Variants in ABRAXAS1 observed in about 807,000 individuals in gnomAD.
The protein encoded by ABRAXAS1 is BRCA1-A complex subunit Abraxas 1.
ABRAXAS1 carries 26 observed loss-of-function variants against 38.4 expected under a neutral mutation model. The ratio of observed to expected loss-of-function variants is 0.68; its 90% CI spans 0.50 to 0.94. The LOEUF is 0.94. Among genes scored for constraint, ABRAXAS1 ranks in the 40% least tolerant of loss-of-function variants. The pLI is 0.00. For missense variants in ABRAXAS1, 438 were observed against 481.9 expected (o/e 0.91, Z 0.85); for synonymous variants, 144 against 165.5 (o/e 0.87, Z 1.00).
At chr4:83,471,902 A>G (rs1300813666) in intron 4 of ABRAXAS1, among the ~76,000 whole-genome samples, 2 of 152,164 alleles carry the variant, frequency 1.3e-5, no homozygotes, top group Non-Finnish European at 2.9e-5. Context: ...CCAAAACACT[A>G]CAGCCAAGTA....
Position 83,461,901 on chromosome 4 carries a change from T to C in ABRAXAS1, c.*568A>G. ...TAGGACAAATTTAAATTTTAGATGA[T>C]GTTTTGCAAATTTATTGCATGATAT... On this transcript the variant is annotated 3_prime_UTR_variant, in exon 9 of 9. Coordinates refer to ENST00000321945, the MANE Select transcript of ABRAXAS1 (RefSeq NM_139076.3). 1 of 229,010 alleles carries C rather than the reference T, an allele frequency of 4.4e-6. No individual in the cohort carries two copies. The highest frequency in any genetic ancestry group is 1.3e-3 in the Middle Eastern group (1 of 754). The allele number at this position is 229,010 out of a possible 1,614,324, so 14.2% of individuals were successfully genotyped here.
In ABRAXAS1 at chr4:83,476,720, A is replaced by G. The variant is rs1016586829; in HGVS notation, c.179-41T>C. 6.9e-6 allele frequency: 9 copies of G among 1,302,870 alleles called. No individual in the cohort carries two copies. In the African/African-American group the frequency reaches 1.0e-4, roughly 15 times the overall value. 80.7% of individuals were successfully genotyped at this position (1,302,870 alleles called of 1,614,324 possible). A position where few individuals can be genotyped will look rare whatever the true frequency, so the allele number is the denominator to read the frequency against. The stretch of plus-strand genomic sequence containing the variant: ...TTTTAGTTATGATTACATTAATTCA[A>G]TTCAGAATCACCTGAATGCTGCATA... On this transcript the variant is annotated intron_variant, in intron 2 of 8. Coordinates refer to ENST00000321945, the MANE Select transcript of ABRAXAS1 (RefSeq NM_139076.3).
At chr4:83,473,278 T>C (rs1011553377) in intron 3 of ABRAXAS1, among the ~76,000 whole-genome samples, 21 of 152,110 alleles carry the variant, frequency 1.4e-4, no homozygotes, top group Admixed American at 3.3e-4. Context: ...GTCTCTGTCA[T>C]CTATTTATAT....
chr4:83,484,052 G>A (rs760464721), intron 1 of ABRAXAS1: 281 of 979,810 alleles, frequency 2.9e-4, no homozygotes, highest in Non-Finnish European at 3.3e-4. Context: ...AGATTTTGTA[G>A]AGACCGGGTC....
chr4:83,475,479 C>T (rs1453497647), intron 3 of ABRAXAS1, among the ~76,000 whole-genome samples: 1 of 152,080 alleles, frequency 6.6e-6, no homozygotes, highest in Non-Finnish European at 1.5e-5. Context: ...CAGGGTCTTG[C>T]TCTGTCACCC....
intron 6 of ABRAXAS1, among the ~76,000 whole-genome samples, chr4:83,468,489 CCTTA>C (rs1373024661): frequency 5.9e-5 from 9 of 152,110 alleles, no homozygotes; most frequent in East Asian, 1.9e-4. Context: ...GACATTACTT[CCTTA>C]CTTAATGGCC....
In ABRAXAS1 at chr4:83,459,678, T is replaced by G. The variant is rs563008576; in HGVS notation, c.*2791A>C. ...AACCTGAAGGTTGTTTTTTGAAATT[T>G]ACACATTCAGAAATAAATAACAGAT... On this transcript the variant is annotated 3_prime_UTR_variant, in exon 9 of 9. Transcript: ENST00000321945. 5.6e-5 allele frequency: 81 copies of G among 1,458,158 alleles called. No individual in the cohort carries two copies. The highest frequency in any genetic ancestry group is 7.5e-5 in the Non-Finnish European group (79 of 1,054,486). The allele number at this position is 1,458,158 out of a possible 1,614,324, so 90.3% of individuals were successfully genotyped here.
At chr4:83,484,789 C>CT (rs1054277311) in intron 1 of ABRAXAS1, 197 bp downstream of exon 1, 2 of 459,124 alleles carry the variant, frequency 4.4e-6, no homozygotes, top group Admixed American at 8.4e-5. Flanking sequence ...AGAGGGAGGG[C>CT]TAATGCTGGA....
At chr4:83,475,930 A>G (rs1236972844) in intron 3 of ABRAXAS1, among the ~76,000 whole-genome samples, 2 of 152,218 alleles carry the variant, frequency 1.3e-5, no homozygotes, top group East Asian at 1.9e-4. Flanking sequence ...AGTTGAGTGC[A>G]ATGGCTCACG....
At chr4:83,466,826 T>C (rs988065081) in intron 7 of ABRAXAS1, 1 of 152,670 alleles carries the variant, frequency 6.6e-6, no homozygotes, top group African/African-American at 2.4e-5. Context: ...CGTGAGCCAC[T>C]GCGCCTGGCT....
intron 3 of ABRAXAS1, among the ~76,000 whole-genome samples, chr4:83,472,971 T>C (rs1353084772): frequency 1.4e-4 from 21 of 152,222 alleles, no homozygotes; most frequent in African/African-American, 9.6e-5. Flanking sequence ...AAATATGTTA[T>C]ACAAAATCCT....
At chr4:83,473,796 T>A (rs1348187652) in intron 3 of ABRAXAS1, among the ~76,000 whole-genome samples, 2 of 151,698 alleles carry the variant, frequency 1.3e-5, no homozygotes, top group African/African-American at 2.4e-5. Flanking sequence ...ATTATAGGCG[T>A]GAGCCACCAT....
chr4:83,473,610 T>C (rs1191693322), intron 3 of ABRAXAS1, among the ~76,000 whole-genome samples: 1 of 151,946 alleles, frequency 6.6e-6, no homozygotes, highest in African/African-American at 2.4e-5. Context: ...AGCCTTGACC[T>C]CTGCCCTCAA....
chr4:83,473,364 A>G (rs182446162), intron 3 of ABRAXAS1, among the ~76,000 whole-genome samples: 10 of 152,260 alleles, frequency 6.6e-5, no homozygotes, highest in Admixed American at 1.3e-4. Context: ...ATTTATTCCT[A>G]TATTTCCCTA....
In ABRAXAS1 at chr4:83,473,221, AGT is replaced by A. The variant is rs559731969; in HGVS notation, c.216-935_216-934del. Among the ~76,000 whole-genome samples the A allele has an allele frequency of 6.2e-4, 94 of 152,288 alleles. No homozygotes were observed. In the South Asian group the frequency reaches 0.011, roughly 17 times the overall value. On this transcript the variant is annotated intron_variant, in intron 3 of 8. Coordinates refer to ENST00000321945, the MANE Select transcript of ABRAXAS1 (RefSeq NM_139076.3). ...CTTGAGCCTGGGAGGCAGAATTTGC[AGT>A]GAGATGAGATGGCACTACTGCACTC...
intron 1 of ABRAXAS1, chr4:83,484,152 G>A: frequency 1.0e-6 from 1 of 978,454 alleles, no homozygotes; most frequent in Middle Eastern, 5.2e-4. Context: ...ACAGGCGTGA[G>A]CCACCGCGCC....
chr4:83,475,634 G>A (rs983660969), intron 3 of ABRAXAS1, among the ~76,000 whole-genome samples: 1 of 152,094 alleles, frequency 6.6e-6, no homozygotes, highest in African/African-American at 2.4e-5. Flanking sequence ...AGTGGAGACA[G>A]TGTTTCACCA....
chr4:83,478,055 A>G, intron 2 of ABRAXAS1: 2 of 963,296 alleles, frequency 2.1e-6, no homozygotes, highest in Admixed American at 3.5e-5. Flanking sequence ...TGTGGTTCCA[A>G]CTGCTCAGCA....
intron 7 of ABRAXAS1, chr4:83,463,902 T>C (rs1006397134): frequency 2.9e-4 from 50 of 173,290 alleles, no homozygotes; most frequent in African/African-American, 1.2e-3. Flanking sequence ...TATTAACTCA[T>C]GGGCCAGCTG....
Sources: gnomAD v4.1 joint callset for allele counts (sites outside exome capture counted in the v4.1 genomes callset) on GRCh38, gnomAD v4.1.1 for gene constraint, MANE v1.5 for transcripts, NCBI Gene and HGNC (gene_info 2026-07-23, HGNC 2026-07-21) for gene names.